BAHCC1: variants seen among roughly 807,000 people sequenced by gnomAD.
The protein encoded by BAHCC1 is BAH and coiled-coil domain-containing protein 1.
A neutral mutation model predicts 88.2 loss-of-function variants in BAHCC1; 43 were observed. The observed-to-expected ratio is 0.49, with a 90% CI of 0.38 to 0.63. The LOEUF (loss-of-function observed/expected upper bound fraction) is 0.63, where lower values mean the gene tolerates loss of function less well. BAHCC1 is among the 20% of genes least tolerant of loss of function. BAHCC1 has a pLI of 0.00. For synonymous variants in BAHCC1, 1,510 were observed against 745.5 expected, an observed-to-expected ratio of 2.03 and a Z score of -16.71; for missense variants, 3,023 against 1,654.8, an observed-to-expected ratio of 1.83 and a Z score of -14.34.
intron 2 of BAHCC1, among the ~76,000 whole-genome samples, chr17:81,425,804 G>A (rs1555650389): frequency 1.4e-5 from 2 of 147,912 alleles, no homozygotes; most frequent in Middle Eastern, 3.8e-3. Flanking sequence ...GGTGATGGTG[G>A]GTCGTGGTGG....
Position 81,403,948 on chromosome 17 carries a change from G to A in BAHCC1, c.178+4031G>A, listed in dbSNP as rs530040465. Among the ~76,000 whole-genome samples, 197 of 152,344 alleles carry A rather than the reference G, an allele frequency of 1.3e-3. 1 individual carries two copies. Among genetic ancestry groups the A allele is most frequent in the Admixed American group, 2.3e-3 (35 of 15,306 alleles). ...GATTATCCCGGTACGGAGCCGCCGCGCTTTCTGTAGGAATATCCAGGTCAC... is the reference window on the plus strand; with the variant it reads ...GATTATCCCGGTACGGAGCCGCCGCACTTTCTGTAGGAATATCCAGGTCAC... On this transcript the variant is annotated intron_variant, in intron 2 of 27. Transcript: ENST00000675386.
At chr17:81,410,078 C>T (rs1052313873) in intron 2 of BAHCC1, 6 of 375,180 alleles carry the variant, frequency 1.6e-5, no homozygotes, top group Non-Finnish European at 3.3e-5. Context: ...GTTGCCCTGC[C>T]CTGCTGGAGG....
chr17:81,454,649 C>T (rs2064712118), intron 14 of BAHCC1, among the ~76,000 whole-genome samples: 1 of 152,008 alleles, frequency 6.6e-6, no homozygotes, highest in Admixed American at 6.5e-5. Flanking sequence ...CACAAACCTG[C>T]CCGGTGCCTG....
At position 81,458,890 on chromosome 17, in the gene BAHCC1, C is replaced by G. The variant is rs1555658317; in HGVS notation, c.5526C>G (p.Ser1842Arg). 3.9e-6 allele frequency: 3 copies of G among 774,674 alleles called. No homozygotes were observed. The highest frequency in any genetic ancestry group is 7.2e-6 in the Non-Finnish European group (3 of 414,436). The allele number at this position is 774,674 out of a possible 1,614,324, so 48.0% of individuals were successfully genotyped here. The change falls in exon 20 of 28, where the codon AGC (serine) becomes AGG (arginine). Residue 1842 changes from serine to arginine, a missense_variant. Physicochemically the swap from Ser to Arg is moderately radical, Grantham distance 110. Coordinates refer to ENST00000675386, the MANE Select transcript of BAHCC1 (RefSeq NM_001377448.1). ...EEDFEFDDNS[S>R]FSEEEEDEEE... ...ACTTTGAGTTCGACGACAACAGCAG[C>G]TTCTCGGAAGAGGAGGAGGACGAGG...
intron 3 of BAHCC1, among the ~76,000 whole-genome samples, chr17:81,429,920 G>C (rs1342316592): frequency 2.0e-5 from 3 of 152,210 alleles, no homozygotes; most frequent in Admixed American, 6.5e-5. Context: ...CTGCTTCCCC[G>C]GGGGAGCAGC....
intron 2 of BAHCC1, among the ~76,000 whole-genome samples, chr17:81,400,181 C>G (rs1490964959): frequency 1.3e-5 from 2 of 152,160 alleles, no homozygotes; most frequent in African/African-American, 4.8e-5. Flanking sequence ...AAAGCCTTTC[C>G]GCGCCTCGCC....
In BAHCC1 at chr17:81,464,305, C is replaced by T. The variant is rs566431217; in HGVS notation, c.*488C>T. ...GTGTGTGTGAGCGTGTATGTGTGTG[C>T]GCGTGTGTGGCGATTTTTGTCCTGG... On this transcript the variant is annotated 3_prime_UTR_variant, in exon 28 of 28. Coordinates refer to ENST00000675386, the MANE Select transcript of BAHCC1 (RefSeq NM_001377448.1). 2.1e-5 allele frequency: 4 copies of T among 188,646 alleles called. No homozygotes were observed. The highest frequency in any genetic ancestry group is 2.2e-4 in the South Asian group (2 of 9,208). The allele number at this position is 188,646 out of a possible 1,614,324, so 11.7% of individuals were successfully genotyped here.
intron 2 of BAHCC1, among the ~76,000 whole-genome samples, chr17:81,405,605 C>T (rs1476914674): frequency 6.6e-6 from 1 of 152,180 alleles, no homozygotes; most frequent in African/African-American, 2.4e-5. Flanking sequence ...CTGTCCATGT[C>T]CCTGGGCTGG....
At position 81,445,505 on chromosome 17, in the gene BAHCC1, C is replaced by T. The variant is rs782060336; in HGVS notation, c.2987C>T (p.Pro996Leu). The change falls in exon 10 of 28, where the codon CCG becomes CTG. Residue 996 changes from proline to leucine, a missense_variant. Physicochemically the swap from Pro to Leu is moderately conservative, Grantham distance 98. Transcript: ENST00000675386. The part of the protein sequence containing the change: ...GPTKLPPCCH[P>L]PDPKPPASSP... ...ACCAAGCTGCCACCTTGCTGCCATC[C>T]GCCCGACCCAAAGCCCCCCGCCAGC... is the stretch of plus-strand genomic sequence containing the variant. 4.3e-5 allele frequency: 32 copies of T among 743,804 alleles called. No individual in the cohort carries two copies. The highest frequency in any genetic ancestry group is 1.4e-4 in the South Asian group (10 of 69,620). The allele number at this position is 743,804 out of a possible 1,614,324, so 46.1% of individuals were successfully genotyped here.
intron 2 of BAHCC1, among the ~76,000 whole-genome samples, chr17:81,413,651 C>A (rs899289): frequency 1.3e-5 from 2 of 152,158 alleles, no homozygotes; most frequent in South Asian, 4.1e-4. Context: ...CACAAGGCCG[C>A]GGGGGCTGCA....
intron 2 of BAHCC1, among the ~76,000 whole-genome samples, 191 bp from the exon 3 acceptor site, chr17:81,426,609 G>A (rs1046955481): frequency 7.2e-5 from 11 of 151,922 alleles, no homozygotes; most frequent in African/African-American, 2.7e-4. Flanking sequence ...AGGACTCTGA[G>A]TGTGGCAGTC....
intron 2 of BAHCC1, among the ~76,000 whole-genome samples, chr17:81,409,812 G>GA (rs1314595688): frequency 2.0e-5 from 3 of 152,208 alleles, no homozygotes; most frequent in Admixed American, 1.3e-4. Context: ...CTGTGCCAGC[G>GA]AGGGGGAGAC....
chr17:81,439,548 TG>T (rs2064382844), intron 4 of BAHCC1, among the ~76,000 whole-genome samples: 1 of 79,972 alleles, frequency 1.3e-5, no homozygotes, highest in African/African-American at 5.2e-5. Context: ...ACACACGGGG[TG>T]GGGTCAGTGG....
At position 81,428,948 on chromosome 17, in the gene BAHCC1, C is replaced by A. The variant is rs972009826; in HGVS notation, c.358+1969C>A. 1.8e-4 allele frequency among the ~76,000 whole-genome samples: 27 copies of A among 152,310 alleles called. No individual in the cohort carries two copies. In the South Asian group the frequency reaches 5.4e-3, roughly 30 times the overall value. On this transcript the variant is annotated intron_variant, in intron 3 of 27. Transcript: ENST00000675386. ...CCCCTGGCGTCTGGGCCTCTGAGCC[C>A]CTTCTATCTGCGTCCCAGGGAAGTA... is the stretch of plus-strand genomic sequence containing the variant.
intron 15 of BAHCC1, among the ~76,000 whole-genome samples, chr17:81,455,793 C>T (rs782682123): frequency 6.6e-6 from 1 of 152,046 alleles, no homozygotes; most frequent in East Asian, 1.9e-4. Flanking sequence ...GGGCTCCCCA[C>T]GCTGCTGGCA....
At chr17:81,418,798 T>C (rs1213132375) in intron 2 of BAHCC1, among the ~76,000 whole-genome samples, 21 of 66,238 alleles carry the variant, frequency 3.2e-4, no homozygotes, top group African/African-American at 1.3e-3. Context: ...CGTGTGTGCG[T>C]GTGTGTGTGT....
At position 81,461,992 on chromosome 17, in the gene BAHCC1, C is replaced by G; in HGVS notation, c.7329C>G (p.Ile2443Met). ...CCTCCGTGGAAAACCGGCCAAAGATCTCAGCCTTCCTGCCCGCCCGGCAGC... is the reference window on the plus strand; with the variant it reads ...CCTCCGTGGAAAACCGGCCAAAGATGTCAGCCTTCCTGCCCGCCCGGCAGC... ...RPPSVENRPKISAFLPARQLW... is the reference protein window; with the variant it reads ...RPPSVENRPKMSAFLPARQLW... Residue 2443 changes from isoleucine (I) to methionine (M), a missense_variant, in exon 26 of 28, where the codon ATC (isoleucine) becomes ATG (methionine). Ile to Met is a conservative substitution (Grantham distance 10). Coordinates refer to ENST00000675386, the MANE Select transcript of BAHCC1 (RefSeq NM_001377448.1). The G allele has an allele frequency of 1.3e-6, 1 of 777,798 alleles. No homozygotes were observed. Among genetic ancestry groups the G allele is most frequent in the Non-Finnish European group, 2.4e-6 (1 of 417,254 alleles). The allele number at this position is 777,798 out of a possible 1,614,324, so 48.2% of individuals were successfully genotyped here.
chr17:81,416,460 G>GGTGGGTGT (rs2064028567), intron 2 of BAHCC1, among the ~76,000 whole-genome samples: 1 of 122,214 alleles, frequency 8.2e-6, no homozygotes, highest in Non-Finnish European at 1.6e-5. Flanking sequence ...GTCCATTGAG[G>GGTGGGTGT]GTGTGTGTGT....
intron 7 of BAHCC1, 39 bp from the exon 8 acceptor site, chr17:81,444,629 A>G: frequency 1.3e-6 from 1 of 761,188 alleles, no homozygotes; most frequent in Non-Finnish European, 2.4e-6. Context: ...CTGGTCCCCG[A>G]GAGTGCGAGG....
Sources: allele counts gnomAD v4.1 joint callset (sites outside exome capture counted in the v4.1 genomes callset), GRCh38; gene constraint gnomAD v4.1.1; transcripts MANE v1.5; gene names NCBI Gene and HGNC (gene_info 2026-07-23, HGNC 2026-07-21).